PIEZO1: variants seen among roughly 807,000 people sequenced by gnomAD.
PIEZO1 encodes the protein piezo type mechanosensitive ion channel component 1 (Er blood group), also known as piezo-type mechanosensitive ion channel component 1.
Under a neutral mutation model 297.2 loss-of-function variants are expected in PIEZO1, and 296 were observed. That is an observed-to-expected ratio of 1.00 (90% CI 0.91 to 1.10). The LOEUF (loss-of-function observed/expected upper bound fraction) is 1.10. PIEZO1 is among the 50% of genes least tolerant of loss of function. PIEZO1 has a pLI of 0.00. For synonymous variants in PIEZO1, 2,427 were observed against 1,507.5 expected (o/e 1.61, Z -14.13); for missense variants, 5,018 against 3,455.5 (o/e 1.45, Z -11.34).
intron 10 of PIEZO1, 95 bp downstream of exon 10, chr16:88,737,464 G>A (rs1394291566): frequency 1.2e-5 from 10 of 817,142 alleles, no homozygotes; most frequent in East Asian, 8.3e-5. Context: ...GGTGCGGCGC[G>A]AGCATGCGAG....
intron 1 of PIEZO1, among the ~76,000 whole-genome samples, chr16:88,754,566 C>T (rs938565959): frequency 1.3e-5 from 2 of 152,208 alleles, no homozygotes. Flanking sequence ...TCCTCTAACA[C>T]GGGCTGAACC....
intron 1 of PIEZO1, among the ~76,000 whole-genome samples, chr16:88,773,320 C>T (rs779008944): frequency 6.6e-6 from 1 of 152,240 alleles, no homozygotes; most frequent in Non-Finnish European, 1.5e-5. Context: ...GAATAAAAAC[C>T]GCAGAGGAGG....
In PIEZO1 at chr16:88,733,281, G is replaced by A. The variant is rs559567603; in HGVS notation, c.2661C>T (p.Thr887=). The change falls in exon 19 of 51, where the codon ACC becomes ACT. Residue 887 remains threonine (T), a synonymous_variant. Coordinates refer to ENST00000301015, the MANE Select transcript of PIEZO1 (RefSeq NM_001142864.4). ...CCCAGCCCTCGGGGGCCGGTACCTC[G>A]GTGCAGTTGCTGGAATACTCCTGGG... The part of the protein sequence containing the change: ...VNPQEYSSNC[T]EPFPNSTNLL... 4.9e-4 allele frequency: 758 copies of A among 1,540,084 alleles called. No homozygotes were observed. The highest frequency in any genetic ancestry group is 6.4e-4 in the Non-Finnish European group (731 of 1,138,446).
At chr16:88,734,595 G>C in intron 15 of PIEZO1, 55 bp downstream of exon 15, 10 of 1,547,742 alleles carry the variant, frequency 6.5e-6, no homozygotes, top group Non-Finnish European at 8.7e-6. Context: ...CTGCAGCCCC[G>C]GGGAAGTGCA....
At chr16:88,743,071 C>A (rs1306663667) in intron 2 of PIEZO1, 1 of 456,066 alleles carries the variant, frequency 2.2e-6, no homozygotes. Context: ...TCTGTGCACC[C>A]ACACCTGGCA....
Position 88,732,692 on chromosome 16 carries a change from C to T in PIEZO1, c.2705G>A (p.Ser902Asn). Residue 902 changes from serine (S) to asparagine (N), a missense_variant, in exon 20 of 51, where the codon AGC becomes AAC. Ser to Asn is a conservative substitution (Grantham distance 46). Coordinates refer to ENST00000301015, the MANE Select transcript of PIEZO1 (RefSeq NM_001142864.4). ...GGGCCCCCGGTACAGCAGGGACTGGCTGATCTCCGTGGGCAGCAAGTTGGT... is the reference window on the plus strand; with the variant it reads ...GGGCCCCCGGTACAGCAGGGACTGGTTGATCTCCGTGGGCAGCAAGTTGGT... ...NSTNLLPTEISQSLLYRGPVD... is the reference protein window; with the variant it reads ...NSTNLLPTEINQSLLYRGPVD... 1 of 1,549,370 alleles carries T rather than the reference C, an allele frequency of 6.5e-7. No homozygotes were observed. The highest frequency in any genetic ancestry group is 8.7e-7 in the Non-Finnish European group (1 of 1,146,326).
intron 30 of PIEZO1, 119 bp downstream of exon 30, chr16:88,724,890 C>A (rs927861361): frequency 6.1e-6 from 4 of 651,010 alleles, no homozygotes; most frequent in Admixed American, 4.0e-5. Context: ...CTGAGCACGT[C>A]CTGACGCTCA....
chr16:88,747,320 A>G (rs1013011565), intron 2 of PIEZO1, among the ~76,000 whole-genome samples: 2 of 152,026 alleles, frequency 1.3e-5, no homozygotes, highest in South Asian at 2.1e-4. Flanking sequence ...GTTCAAGACC[A>G]GCCTGGCCAA....
chr16:88,743,945 C>A, intron 2 of PIEZO1: 1 of 288,416 alleles, frequency 3.5e-6, no homozygotes, highest in Non-Finnish European at 6.9e-6. Context: ...GCAGCCCCGA[C>A]ACGAACAGGA....
chr16:88,750,897 G>A (rs998504225), intron 1 of PIEZO1, among the ~76,000 whole-genome samples: 13 of 139,888 alleles, frequency 9.3e-5, no homozygotes, highest in African/African-American at 2.4e-4. Context: ...TCAGGACCCC[G>A]GTCAGGAGGC....
intron 1 of PIEZO1, among the ~76,000 whole-genome samples, chr16:88,766,598 C>T (rs911984941): frequency 1.3e-5 from 2 of 152,174 alleles, no homozygotes; most frequent in Admixed American, 6.5e-5. Context: ...CTGGGCCCAG[C>T]TGACTGAGCT....
chr16:88,738,139 C>T (rs1905375981), intron 7 of PIEZO1, 34 bp from the exon 8 acceptor site: 2 of 1,535,530 alleles, frequency 1.3e-6, no homozygotes, highest in South Asian at 1.2e-5. Flanking sequence ...GCCTACCACC[C>T]CAGAGGCAGT....
chr16:88,776,905 C>A (rs1157086148), intron 1 of PIEZO1, among the ~76,000 whole-genome samples: 1 of 152,188 alleles, frequency 6.6e-6, no homozygotes, highest in Non-Finnish European at 1.5e-5. Flanking sequence ...GAGATCTGGG[C>A]CCGGCTCACT....
rs569360917 is a variant in PIEZO1 at position 88,722,083 on chromosome 16, G to C, written c.4956-17C>G. 1.9e-6 allele frequency: 3 copies of C among 1,540,280 alleles called. No homozygotes were observed. Among genetic ancestry groups the C allele is most frequent in the Non-Finnish European group, 2.6e-6 (3 of 1,142,422 alleles). ...CGCAGGCGCCTACAGGGAGACCCGC[G>C]TGTTTGGGGGAGTCTGGGACTGCCC... On this transcript the variant is annotated splice_polypyrimidine_tract_variant and intron_variant, in intron 36 of 50. Transcript: ENST00000301015.
Position 88,738,430 on chromosome 16 carries a change from G to C in PIEZO1, c.645C>G (p.His215Gln), listed in dbSNP as rs559847737. 509 of 1,535,754 alleles carry C rather than the reference G, an allele frequency of 3.3e-4. 5 individuals are homozygous for C. The South Asian group carries it at 5.5e-3, about 17-fold the overall frequency. ...GGTAGACACTGGAGAGGGCCGAGGG[G>C]TGGGCGATGCCTGCGGGGCAGGGGC... The part of the protein sequence containing the change: ...VTLLALAGIA[H>Q]PSALSSVYLL... Residue 215 changes from histidine (H) to glutamine (Q), a missense_variant, in exon 7 of 51, where the codon CAC becomes CAG. His to Gln is a conservative substitution (Grantham distance 24). Coordinates refer to ENST00000301015, the MANE Select transcript of PIEZO1 (RefSeq NM_001142864.4).
rs1289128534 is a variant in PIEZO1, at chr16:88,716,005, C to T, written c.7244G>A (p.Cys2415Tyr). 6 of 1,550,222 alleles carry T rather than the reference C, an allele frequency of 3.9e-6. No homozygotes were observed. The highest frequency in any genetic ancestry group is 2.4e-5 in the South Asian group (2 of 84,070). The change falls in exon 50 of 51, where the codon TGC becomes TAC. Residue 2415 changes from cysteine to tyrosine, a missense_variant. By Grantham distance (194) the Cys-to-Tyr change is radical (BLOSUM62 -2). Transcript: ENST00000301015. Reference sequence around the variant, plus strand: ...GAAAATGACCATGGGCAGCAGGTTGCAGTCGGTCCGGCACTCCTGCAGCTC... The same window carrying T: ...GAAAATGACCATGGGCAGCAGGTTGTAGTCGGTCCGGCACTCCTGCAGCTC... ...VIELQECRTD[C>Y]NLLPMVIFSD...
chr16:88,778,623 C>T (rs536781919), intron 1 of PIEZO1, among the ~76,000 whole-genome samples: 59 of 152,326 alleles, frequency 3.9e-4, no homozygotes, highest in South Asian at 4.1e-4. Context: ...ACCTCAGAGC[C>T]GGCACCCGGG....
chr16:88,742,889 G>A (rs1567679397), intron 2 of PIEZO1: 2 of 369,088 alleles, frequency 5.4e-6, no homozygotes, highest in Non-Finnish European at 1.1e-5. Context: ...GGGCCATGAT[G>A]GCTCTGGAGA....
intron 1 of PIEZO1, among the ~76,000 whole-genome samples, chr16:88,769,066 T>A (rs1277847544): frequency 1.3e-5 from 2 of 152,134 alleles, no homozygotes. Flanking sequence ...GGGCCCCTCA[T>A]CCAAAGGGGC....
Sources: allele counts gnomAD v4.1 joint callset (sites outside exome capture counted in the v4.1 genomes callset), GRCh38; gene constraint gnomAD v4.1.1; transcripts MANE v1.5; gene names NCBI Gene and HGNC (gene_info 2026-07-23, HGNC 2026-07-21).